The following RASEF variants were observed in gnomAD, a reference collection of about 807,000 sequenced individuals.
RASEF encodes the protein ras and EF-hand domain-containing protein.
RASEF carries 68 observed loss-of-function variants against 90.1 expected under a neutral mutation model. That is an observed-to-expected ratio of 0.75 (90% confidence interval 0.62 to 0.92). The LOEUF is 0.92. RASEF is among the 40% of genes least tolerant of loss of function. The pLI is 0.00. For synonymous variants in RASEF, 331 were observed against 345.2 expected (o/e 0.96, Z 0.46); for missense variants, 949 against 937.2 (o/e 1.01, Z -0.16).
chr9:83,105,879 C>T, the RASEF span, among the ~76,000 whole-genome samples: 1 of 152,164 alleles, frequency 6.6e-6, no homozygotes, highest in East Asian at 1.9e-4. Flanking sequence ...GGACTGCAGC[C>T]TAGAAGAACA....
the RASEF span, among the ~76,000 whole-genome samples, chr9:83,110,452 G>A: frequency 6.6e-6 from 1 of 152,128 alleles, no homozygotes; most frequent in Non-Finnish European, 1.5e-5. Flanking sequence ...TGTTTGCCAA[G>A]AGCTGGCAAA....
the RASEF span, among the ~76,000 whole-genome samples, chr9:83,130,714 T>C: frequency 1.3e-5 from 2 of 152,192 alleles, no homozygotes; most frequent in Non-Finnish European, 1.5e-5. Flanking sequence ...AGTATAATGT[T>C]CTTGTCTTCA....
At chr9:83,144,495 C>A in the RASEF span, among the ~76,000 whole-genome samples, 1 of 146,490 alleles carries the variant, frequency 6.8e-6, no homozygotes, top group Non-Finnish European at 1.5e-5. Context: ...AAAAGAAAAT[C>A]CTGCTTGAGG....
chr9:83,087,471 G>A, the RASEF span, among the ~76,000 whole-genome samples: 2 of 142,586 alleles, frequency 1.4e-5, no homozygotes, highest in Non-Finnish European at 3.0e-5. Context: ...TGAGAACACA[G>A]CTTGAAGGTG....
At chr9:83,049,166 C>A in intron 1 of RASEF, 11 of 249,344 alleles carry the variant, frequency 4.4e-5, no homozygotes, top group South Asian at 1.5e-4. Context: ...CCAGAGTTGA[C>A]TTAAACATTG....
the RASEF span, among the ~76,000 whole-genome samples, chr9:83,095,602 A>G: frequency 6.6e-6 from 1 of 151,884 alleles, no homozygotes; most frequent in Admixed American, 6.6e-5. Flanking sequence ...TTTAATTCGA[A>G]GTTTATAGAG....
chr9:83,000,411 G>A, intron 11 of RASEF, 22 bp downstream of exon 11: 2 of 1,612,438 alleles, frequency 1.2e-6, no homozygotes, highest in Non-Finnish European at 1.7e-6. Flanking sequence ...TCATGAATAG[G>A]AGTGTCTCGG....
chr9:83,202,882 G>T, the RASEF span, among the ~76,000 whole-genome samples: 1 of 151,888 alleles, frequency 6.6e-6, no homozygotes, highest in African/African-American at 2.4e-5. Flanking sequence ...CCATTCTACT[G>T]GTATACATAC....
intron 7 of RASEF, among the ~76,000 whole-genome samples, chr9:83,006,642 G>A (rs1030452728): frequency 1.3e-5 from 2 of 152,102 alleles, no homozygotes; most frequent in Non-Finnish European, 2.9e-5. Flanking sequence ...GGATGGAACT[G>A]CTATAACCTA....
chr9:83,218,704 TTC>T, the RASEF span, among the ~76,000 whole-genome samples: 3 of 152,182 alleles, frequency 2.0e-5, no homozygotes, highest in African/African-American at 4.8e-5. Flanking sequence ...CCCCAGATGT[TTC>T]TGAGAGCACC....
chr9:83,172,870 G>A, the RASEF span, among the ~76,000 whole-genome samples: 257 of 152,034 alleles, frequency 1.7e-3, 2 homozygotes, highest in African/African-American at 5.0e-3. Flanking sequence ...CCCTTAAGAT[G>A]ATTTATTGTT....
At chr9:83,147,929 A>G in the RASEF span, among the ~76,000 whole-genome samples, 36 of 150,668 alleles carry the variant, frequency 2.4e-4, no homozygotes, top group African/African-American at 8.1e-4. Context: ...ACACTCAGAC[A>G]CTCCTTCTCT....
intron 1 of RASEF, among the ~76,000 whole-genome samples, chr9:83,028,232 G>A (rs1056377980): frequency 2.6e-5 from 4 of 152,146 alleles, no homozygotes; most frequent in African/African-American, 4.8e-5. Context: ...CACCTCCAAC[G>A]TTTGGATAAT....
At chr9:83,214,492 G>A in the RASEF span, among the ~76,000 whole-genome samples, 1 of 152,182 alleles carries the variant, frequency 6.6e-6, no homozygotes, top group Non-Finnish European at 1.5e-5. Flanking sequence ...GGTCTACCAT[G>A]AGCTATCAAT....
chr9:83,047,927 CTT>C (rs1275836418), intron 1 of RASEF, among the ~76,000 whole-genome samples: 1 of 152,236 alleles, frequency 6.6e-6, no homozygotes, highest in East Asian at 1.9e-4. Context: ...AATACTGTCT[CTT>C]TAGCTATGCA....
chr9:83,014,747 G>A (rs906894807), intron 4 of RASEF, among the ~76,000 whole-genome samples: 1 of 152,188 alleles, frequency 6.6e-6, no homozygotes, highest in Admixed American at 6.5e-5. Context: ...CAGCAGGTGA[G>A]AGTCTGCTTT....
chr9:83,165,597 C>A, the RASEF span, among the ~76,000 whole-genome samples: 1,443 of 151,722 alleles, frequency 9.5e-3, 17 homozygotes, highest in African/African-American at 0.032. Flanking sequence ...GGAAACCAGA[C>A]AAAGAGGAGG....
At chr9:82,992,785 C>G in intron 15 of RASEF, 121 bp downstream of exon 15, 5 of 990,406 alleles carry the variant, frequency 5.0e-6, no homozygotes, top group Non-Finnish European at 7.6e-6. Flanking sequence ...ACAGATGCCT[C>G]AGACGGGGGA....
the RASEF span, among the ~76,000 whole-genome samples, chr9:83,147,886 CCT>C: frequency 6.6e-6 from 1 of 152,024 alleles, no homozygotes; most frequent in Non-Finnish European, 1.5e-5. Flanking sequence ...CTGCCGAACT[CCT>C]CTCCGACCAT....
Sources: gnomAD v4.1 joint callset for allele counts (sites outside exome capture counted in the v4.1 genomes callset) on GRCh38, gnomAD v4.1.1 for gene constraint, MANE v1.5 for transcripts, NCBI Gene and HGNC (gene_info 2026-07-23, HGNC 2026-07-21) for gene names.